RUNDC3B: variants seen among roughly 807,000 people sequenced by gnomAD.
The protein encoded by RUNDC3B is RUN domain containing 3B, also known as RUN domain-containing protein 3B.
Under a neutral mutation model 58.4 loss-of-function variants are expected in RUNDC3B, and 33 were observed. The ratio of observed to expected loss-of-function variants is 0.56; its 90% CI spans 0.43 to 0.75. The LOEUF (loss-of-function observed/expected upper bound fraction) is 0.75, where lower values mean the gene tolerates loss of function less well. RUNDC3B is among the 30% of genes least tolerant of loss of function. RUNDC3B has a pLI of 0.00. For missense variants in RUNDC3B, 501 were observed against 535.7 expected (o/e 0.94, Z 0.64); for synonymous variants, 193 against 195.2 (o/e 0.99, Z 0.10).
intron 10 of RUNDC3B, among the ~76,000 whole-genome samples, chr7:87,817,864 T>C (rs1424558166): frequency 6.6e-6 from 1 of 152,204 alleles, no homozygotes; most frequent in East Asian, 1.9e-4. Flanking sequence ...AGGCAACTTA[T>C]TAAACATTTA....
In RUNDC3B at chr7:87,777,675, A is replaced by C. The variant is rs1834710836; in HGVS notation, c.799-123A>C. On this transcript the variant is annotated intron_variant, in intron 7 of 10. Coordinates refer to ENST00000394654, the MANE Select transcript of RUNDC3B (RefSeq NM_001134405.2). ...ACAAATTTTTTACTAATTTATCAGT[A>C]ATGCTTTGAAATTGTTTCATTACAA... is the stretch of plus-strand genomic sequence containing the variant. 3 of 679,678 alleles carry C rather than the reference A, an allele frequency of 4.4e-6. No individual in the cohort carries two copies. In the East Asian group the frequency reaches 9.2e-5, roughly 21 times the overall value. 42.1% of individuals were successfully genotyped at this position (679,678 alleles called of 1,614,324 possible).
At chr7:87,640,188 A>ATG (rs1822281980) in intron 1 of RUNDC3B, among the ~76,000 whole-genome samples, 1 of 147,800 alleles carries the variant, frequency 6.8e-6, no homozygotes, top group African/African-American at 2.5e-5. Context: ...TTATATATAT[A>ATG]TGTGTATATA....
In RUNDC3B at chr7:87,739,890, C is replaced by G. The variant is rs554052979; in HGVS notation, c.548+10C>G. On this transcript the variant is annotated intron_variant, in intron 5 of 10. Coordinates refer to ENST00000394654, the MANE Select transcript of RUNDC3B (RefSeq NM_001134405.2). The stretch of plus-strand genomic sequence containing the variant: ...ATGCTATTGATTTCAGGTACTTAAC[C>G]AAATGCATTCAGTTTTTAAATTATT... 5.2e-6 allele frequency: 7 copies of G among 1,350,104 alleles called. No homozygotes were observed. Among genetic ancestry groups the G allele is most frequent in the Non-Finnish European group, 7.3e-6 (7 of 960,518 alleles). The allele number at this position is 1,350,104 out of a possible 1,614,324, so 83.6% of individuals were successfully genotyped here.
At chr7:87,795,459 A>G (rs561691809) in intron 8 of RUNDC3B, among the ~76,000 whole-genome samples, 2 of 152,368 alleles carry the variant, frequency 1.3e-5, no homozygotes, top group South Asian at 4.1e-4. Context: ...AATGGCTTCT[A>G]TCCAAAAGAT....
rs28381753 is a variant in RUNDC3B, at chr7:87,650,215, T to C, written c.123-607T>C. ...TAGTTAGGTCACATTTTGATTTTAATGGGGACAATTAGCTATTTCTGAGTC... is the reference window on the plus strand; with the variant it reads ...TAGTTAGGTCACATTTTGATTTTAACGGGGACAATTAGCTATTTCTGAGTC... On this transcript the variant is annotated intron_variant, in intron 1 of 10. Coordinates refer to ENST00000394654, the MANE Select transcript of RUNDC3B (RefSeq NM_001134405.2). 1.7e-3 allele frequency among the ~76,000 whole-genome samples: 261 copies of C among 152,308 alleles called. 1 individual carries two copies. The highest frequency in any genetic ancestry group is 3.3e-3 in the Admixed American group (51 of 15,288).
chr7:87,749,621 A>G (rs1832845260), intron 6 of RUNDC3B, among the ~76,000 whole-genome samples: 1 of 152,146 alleles, frequency 6.6e-6, no homozygotes. Context: ...CACATTTTTT[A>G]AAAATCTACT....
chr7:87,651,776 A>T (rs1197025295), intron 2 of RUNDC3B, among the ~76,000 whole-genome samples: 1 of 152,144 alleles, frequency 6.6e-6, no homozygotes, highest in African/African-American at 2.4e-5. Context: ...AGGTTTTAAT[A>T]TAAGTGTTTA....
intron 8 of RUNDC3B, among the ~76,000 whole-genome samples, chr7:87,784,937 A>G (rs1445926564): frequency 1.3e-5 from 2 of 151,926 alleles, no homozygotes; most frequent in Non-Finnish European, 2.9e-5. Context: ...ATCACCAGAG[A>G]CTCACAACTT....
chr7:87,712,989 A>G (rs1563155245), intron 4 of RUNDC3B, among the ~76,000 whole-genome samples: 1 of 152,118 alleles, frequency 6.6e-6, no homozygotes, highest in Non-Finnish European at 1.5e-5. Context: ...AAAATGCGGC[A>G]AAAAAATCTT....
At chr7:87,740,543 G>A (rs1832258804) in intron 5 of RUNDC3B, among the ~76,000 whole-genome samples, 1 of 152,012 alleles carries the variant, frequency 6.6e-6, no homozygotes, top group Non-Finnish European at 1.5e-5. Context: ...AGGAATGAAG[G>A]AAATATTATA....
At chr7:87,632,013 A>G (rs763338568) in intron 1 of RUNDC3B, among the ~76,000 whole-genome samples, 14 of 151,950 alleles carry the variant, frequency 9.2e-5, no homozygotes, top group Non-Finnish European at 1.9e-4. Context: ...TAAATTACGT[A>G]TGTGCATTTT....
intron 10 of RUNDC3B, among the ~76,000 whole-genome samples, chr7:87,823,675 T>C (rs1339135642): frequency 1.3e-5 from 2 of 152,092 alleles, no homozygotes; most frequent in Non-Finnish European, 2.9e-5. Flanking sequence ...CGATGTTTGG[T>C]TTTCCATTCC....
At chr7:87,806,535 C>T (rs1836443355) in intron 8 of RUNDC3B, among the ~76,000 whole-genome samples, 2 of 152,102 alleles carry the variant, frequency 1.3e-5, no homozygotes, top group South Asian at 4.1e-4. Context: ...TAGAGTAAGA[C>T]CTTTGCTTTT....
intron 1 of RUNDC3B, chr7:87,629,211 G>C (rs1294460186): frequency 8.4e-6 from 3 of 359,100 alleles, no homozygotes; most frequent in Non-Finnish European, 1.5e-5. Flanking sequence ...GATTTGTTTT[G>C]AATGTGCAAT....
chr7:87,777,172 G>A (rs953991772), intron 7 of RUNDC3B, among the ~76,000 whole-genome samples: 4 of 152,110 alleles, frequency 2.6e-5, no homozygotes, highest in African/African-American at 7.2e-5. Flanking sequence ...AATAATAATA[G>A]CTAGTAATTA....
intron 8 of RUNDC3B, among the ~76,000 whole-genome samples, chr7:87,796,741 C>T (rs1835842574): frequency 6.6e-6 from 1 of 152,074 alleles, no homozygotes; most frequent in Non-Finnish European, 1.5e-5. Flanking sequence ...TAAGGTGTTC[C>T]CGGATAAATA....
At chr7:87,741,231 A>C (rs1832309349) in intron 5 of RUNDC3B, among the ~76,000 whole-genome samples, 1 of 151,864 alleles carries the variant, frequency 6.6e-6, no homozygotes, top group Non-Finnish European at 1.5e-5. Flanking sequence ...AAAAACAAAC[A>C]AAAAAACTGG....
At chr7:87,650,774 G>A (rs1406064902) in intron 1 of RUNDC3B, 48 bp from the exon 2 acceptor site, 2 of 1,130,730 alleles carry the variant, frequency 1.8e-6, no homozygotes, top group African/African-American at 3.1e-5. Context: ...TCATACTTAG[G>A]GAATGAATCA....
At chr7:87,691,036 CA>C (rs1446928371) in intron 2 of RUNDC3B, among the ~76,000 whole-genome samples, 1 of 151,716 alleles carries the variant, frequency 6.6e-6, no homozygotes, top group Non-Finnish European at 1.5e-5. Context: ...GATAGTGATT[CA>C]ATGATCAAAG....
Sources: allele counts gnomAD v4.1 joint callset (sites outside exome capture counted in the v4.1 genomes callset), GRCh38; gene constraint gnomAD v4.1.1; transcripts MANE v1.5; gene names NCBI Gene and HGNC (gene_info 2026-07-23, HGNC 2026-07-21).